The following RBFOX1 variants were observed in gnomAD, a reference collection of about 807,000 sequenced individuals.
RBFOX1 encodes the protein RNA binding fox-1 homolog 1, also known as RNA binding protein fox-1 homolog 1.
A neutral mutation model predicts 57.7 loss-of-function variants in RBFOX1; 8 were observed. That is an observed-to-expected ratio of 0.14 (90% CI 0.08 to 0.25). The LOEUF (loss-of-function observed/expected upper bound fraction) is 0.25. RBFOX1 is among the 10% of genes least tolerant of loss of function. The pLI, the probability that RBFOX1 is intolerant of heterozygous loss-of-function variation, is 1.00. For missense variants in RBFOX1, 611 were observed against 548.5 expected (o/e 1.11, Z -1.14); for synonymous variants, 326 against 222.4 (o/e 1.47, Z -4.15).
intron 3 of RBFOX1, among the ~76,000 whole-genome samples, chr16:6,990,338 A>G (rs1372121961): frequency 3.3e-5 from 5 of 152,152 alleles, no homozygotes; most frequent in South Asian, 4.1e-4. Flanking sequence ...CAGCCTGGCC[A>G]ACATGGTGAA....
chr16:6,844,190 T>G (rs919077891), intron 3 of RBFOX1, among the ~76,000 whole-genome samples: 2 of 150,078 alleles, frequency 1.3e-5, no homozygotes, highest in Non-Finnish European at 3.0e-5. Context: ...GGAATCTTCT[T>G]TTTTTTTTTC....
chr16:6,087,167 C>T (rs181201324), intron 1 of RBFOX1, among the ~76,000 whole-genome samples: 9 of 152,260 alleles, frequency 5.9e-5, no homozygotes, highest in Admixed American at 3.9e-4. Context: ...GATTCATTCT[C>T]ACTAGGTATT....
intron 2 of RBFOX1, among the ~76,000 whole-genome samples, chr16:6,510,860 A>G (rs901590301): frequency 6.6e-6 from 1 of 151,666 alleles, no homozygotes; most frequent in Admixed American, 6.5e-5. Context: ...CCCTTAAAAA[A>G]AAAAAAAGGA....
chr16:5,929,406 G>A (rs536905028), intron 4 of RBFOX1, among the ~76,000 whole-genome samples: 2 of 152,062 alleles, frequency 1.3e-5, no homozygotes, highest in Non-Finnish European at 2.9e-5. Context: ...AAAGAGAATT[G>A]GGTTCAAATT....
In RBFOX1 at chr16:5,619,068, C is replaced by T. The variant is rs187720197; in HGVS notation, c.318+20107C>T. On this transcript the variant is annotated intron_variant, in intron 3 of 19. Transcript: ENST00000641259. ...CAGGACAAAATGTCTAGTCTATTCACAGTCACCGTAGTTTGTGCCTGATTT... is the reference window on the plus strand; with the variant it reads ...CAGGACAAAATGTCTAGTCTATTCATAGTCACCGTAGTTTGTGCCTGATTT... Among the ~76,000 whole-genome samples the T allele has an allele frequency of 4.7e-4, 72 of 152,342 alleles. 1 individual carries two copies. The East Asian group carries it at 0.013, about 27-fold the overall frequency.
At chr16:6,629,452 C>G (rs1361868913) in intron 2 of RBFOX1, among the ~76,000 whole-genome samples, 1 of 152,150 alleles carries the variant, frequency 6.6e-6, no homozygotes, top group Non-Finnish European at 1.5e-5. Flanking sequence ...TTTTTAAGTA[C>G]TCATTAATGT....
At chr16:7,024,677 AC>A (rs1458625554) in intron 3 of RBFOX1, among the ~76,000 whole-genome samples, 28 of 152,186 alleles carry the variant, frequency 1.8e-4, no homozygotes, top group African/African-American at 6.0e-4. Flanking sequence ...GCACTTAGAT[AC>A]GAATGGAGGA....
chr16:5,993,882 A>G (rs767415894), intron 4 of RBFOX1, among the ~76,000 whole-genome samples: 2 of 152,138 alleles, frequency 1.3e-5, no homozygotes, highest in Non-Finnish European at 2.9e-5. Context: ...ATGTATATTA[A>G]TTCTTATTTA....
chr16:5,432,105 A>C (rs576550689), intron 1 of RBFOX1, among the ~76,000 whole-genome samples: 21 of 152,232 alleles, frequency 1.4e-4, no homozygotes, highest in Non-Finnish European at 2.8e-4. Flanking sequence ...GGTTCAGGCC[A>C]AGGGAGCCCC....
At chr16:6,487,144 CTG>C (rs60180975) in intron 2 of RBFOX1, among the ~76,000 whole-genome samples, 5,923 of 139,882 alleles carry the variant, frequency 0.042, 295 homozygotes, top group African/African-American at 0.12. Flanking sequence ...TGTGGGGTTT[CTG>C]TGTGTGTGTG....
At chr16:7,646,963 G>A (rs536961513) in intron 11 of RBFOX1, among the ~76,000 whole-genome samples, 72 of 151,790 alleles carry the variant, frequency 4.7e-4, no homozygotes, top group Non-Finnish European at 8.8e-4. Flanking sequence ...TTTTTGAGGG[G>A]GAGACAGGCA....
At chr16:7,176,064 A>G (rs1282841237) in intron 4 of RBFOX1, among the ~76,000 whole-genome samples, 3 of 151,850 alleles carry the variant, frequency 2.0e-5, no homozygotes, top group African/African-American at 7.3e-5. Context: ...AGCCAATAGC[A>G]GTCTCCACTC....
intron 1 of RBFOX1, among the ~76,000 whole-genome samples, chr16:5,242,902 T>A (rs1458878526): frequency 1.4e-5 from 2 of 144,154 alleles, no homozygotes; most frequent in African/African-American, 2.5e-5. Flanking sequence ...GGCTAGAGGA[T>A]GTTTTAGCAG....
intron 2 of RBFOX1, among the ~76,000 whole-genome samples, chr16:6,321,976 C>T (rs566720173): frequency 6.6e-6 from 1 of 152,302 alleles, no homozygotes; most frequent in African/African-American, 2.4e-5. Context: ...CAATGCATAA[C>T]ACTTGAAATC....
Position 5,816,896 on chromosome 16 carries a change from T to C in RBFOX1, c.319-50407T>C, listed in dbSNP as rs186808713. 3.5e-4 allele frequency among the ~76,000 whole-genome samples: 54 copies of C among 152,344 alleles called. 3 individuals are homozygous for C. The East Asian group carries it at 7.3e-3, about 21-fold the overall frequency. On this transcript the variant is annotated intron_variant, in intron 3 of 19. Coordinates refer to the RBFOX1 transcript ENST00000641259. ...TTTGTGTGTACATAGTAGGTGTACA[T>C]ATTTATGGAGTACCTGAGATGTGTT...
chr16:6,022,279 C>G (rs894242633), intron 1 of RBFOX1, among the ~76,000 whole-genome samples: 3 of 151,338 alleles, frequency 2.0e-5, no homozygotes, highest in African/African-American at 7.3e-5. Flanking sequence ...ATTAGAACAT[C>G]ATTTATTTAA....
intron 4 of RBFOX1, among the ~76,000 whole-genome samples, chr16:7,130,062 T>C (rs2069823203): frequency 6.8e-6 from 1 of 147,354 alleles, no homozygotes; most frequent in African/African-American, 2.6e-5. Flanking sequence ...AGACAGAGCC[T>C]AGCTCTGTCG....
At chr16:7,345,051 G>GC (rs2096968662) in intron 4 of RBFOX1, among the ~76,000 whole-genome samples, 1 of 151,798 alleles carries the variant, frequency 6.6e-6, no homozygotes, top group South Asian at 2.1e-4. Context: ...CTGAGGAAGG[G>GC]CACTGCTGGG....
At chr16:6,969,393 A>T (rs1433153219) in intron 3 of RBFOX1, among the ~76,000 whole-genome samples, 1 of 150,308 alleles carries the variant, frequency 6.7e-6, no homozygotes, top group East Asian at 1.9e-4. Flanking sequence ...TATTTTGTTC[A>T]TGATGCATAT....
Sources: gnomAD v4.1 joint callset for allele counts (sites outside exome capture counted in the v4.1 genomes callset) on GRCh38, gnomAD v4.1.1 for gene constraint, MANE v1.5 for transcripts, NCBI Gene and HGNC (gene_info 2026-07-23, HGNC 2026-07-21) for gene names.